The following ZC3H6 variants were observed in gnomAD, a reference collection of about 807,000 sequenced individuals.
ZC3H6 encodes zinc finger CCCH-type containing 6, also known as zinc finger CCCH domain-containing protein 6.
In ZC3H6, 40 loss-of-function variants were observed where a neutral mutation model predicts 107.7. The observed-to-expected ratio is 0.37, with a 90% CI of 0.29 to 0.48. The LOEUF is 0.48. ZC3H6 is among the 20% of genes least tolerant of loss of function. The pLI is 0.98. For synonymous variants in ZC3H6, 493 were observed against 487.9 expected (o/e 1.01, Z -0.14); for missense variants, 1,267 against 1,410.4 (o/e 0.90, Z 1.63).
At chr2:112,318,226 G>A (rs141654468) in intron 7 of ZC3H6, among the ~76,000 whole-genome samples, 57 of 152,226 alleles carry the variant, frequency 3.7e-4, no homozygotes, top group Middle Eastern at 3.4e-3. Flanking sequence ...AATTACCAGA[G>A]GAATACATGA....
chr2:112,317,326 A>G lies in ZC3H6; in HGVS notation c.970A>G (p.Met324Val), dbSNP rs1676718119. The G allele has an allele frequency of 6.9e-7, 1 of 1,439,160 alleles. No individual in the cohort carries two copies. The allele number at this position is 1,439,160 out of a possible 1,614,324, so 89.1% of individuals were successfully genotyped here. Reference sequence around the variant, plus strand: ...TACCAAAGGAGAGAACTGCATTTATATGCATAATATCCTTTATTTAAAATG... The same window carrying G: ...TACCAAAGGAGAGAACTGCATTTATGTGCATAATATCCTTTATTTAAAATG... ...YCTKGENCIY[M>V]HNEFPCKFYH... The change falls in exon 7 of 12, where the codon ATG (methionine) becomes GTG (valine). Residue 324 changes from methionine (M) to valine (V), a missense_variant. By Grantham distance (21) the Met-to-Val change is conservative. Coordinates refer to ENST00000409871, the MANE Select transcript of ZC3H6 (RefSeq NM_198581.3).
chr2:112,276,899 C>T (rs947309568), intron 1 of ZC3H6, among the ~76,000 whole-genome samples: 1 of 152,048 alleles, frequency 6.6e-6, no homozygotes, highest in Non-Finnish European at 1.5e-5. Context: ...GCATCTGATT[C>T]TTACTTAGAA....
In ZC3H6 at chr2:112,331,986, C is replaced by A; in HGVS notation, c.3068C>A (p.Pro1023Gln). 1.2e-6 allele frequency: 2 copies of A among 1,614,010 alleles called. No homozygotes were observed. Among genetic ancestry groups the A allele is most frequent in the Non-Finnish European group, 1.7e-6 (2 of 1,179,892 alleles). The change falls in exon 12 of 12, where the codon CCA (proline) becomes CAA (glutamine). Residue 1023 changes from proline (P) to glutamine (Q), a missense_variant. Physicochemically the swap from Pro to Gln is moderately conservative, Grantham distance 76 (BLOSUM62 -1). Transcript: ENST00000409871. Reference protein sequence around the residue: ...TSNSGSGALPPYAPKLSSSAG... With the variant: ...TSNSGSGALPQYAPKLSSSAG... Reference sequence around the variant, plus strand: ...AATTCTGGTTCCGGGGCTCTGCCTCCATATGCCCCTAAACTCTCTTCCTCA... The same window carrying A: ...AATTCTGGTTCCGGGGCTCTGCCTCAATATGCCCCTAAACTCTCTTCCTCA...
intron 1 of ZC3H6, among the ~76,000 whole-genome samples, chr2:112,286,967 G>C (rs1686621311): frequency 6.6e-6 from 1 of 152,148 alleles, no homozygotes; most frequent in Admixed American, 6.5e-5. Context: ...TAATCTAGTA[G>C]CAGATACTGG....
At chr2:112,305,487 A>G (rs2104709019) in intron 3 of ZC3H6, among the ~76,000 whole-genome samples, 1 of 152,308 alleles carries the variant, frequency 6.6e-6, no homozygotes, top group South Asian at 2.1e-4. Flanking sequence ...ATTTATTGTT[A>G]ATATTACGCT....
chr2:112,289,986 C>T (rs1676074271), intron 1 of ZC3H6, among the ~76,000 whole-genome samples: 1 of 152,166 alleles, frequency 6.6e-6, no homozygotes, highest in African/African-American at 2.4e-5. Flanking sequence ...ACCAGTTCAC[C>T]CTCCTTGGCC....
chr2:112,322,340 GC>G (rs1414624167), intron 8 of ZC3H6, among the ~76,000 whole-genome samples: 2 of 145,592 alleles, frequency 1.4e-5, no homozygotes, highest in South Asian at 2.3e-4. Flanking sequence ...GCCCTGCACC[GC>G]CCCCCACCCC....
intron 1 of ZC3H6, among the ~76,000 whole-genome samples, chr2:112,297,697 C>T (rs1558949209): frequency 6.6e-6 from 1 of 152,142 alleles, no homozygotes; most frequent in African/African-American, 2.4e-5. Flanking sequence ...ATTTATAGTT[C>T]TACTATGAAT....
chr2:112,289,862 T>C (rs1676068557), intron 1 of ZC3H6, among the ~76,000 whole-genome samples: 5 of 152,124 alleles, frequency 3.3e-5, no homozygotes, highest in Admixed American at 3.3e-4. Context: ...CACCCCAGCC[T>C]CCAGAGTGGC....
intron 1 of ZC3H6, among the ~76,000 whole-genome samples, chr2:112,294,395 A>G (rs1298365702): frequency 2.0e-5 from 3 of 152,246 alleles, no homozygotes; most frequent in Non-Finnish European, 2.9e-5. Context: ...TTCTGCTTCT[A>G]TTAAGTTGTT....
At position 112,276,202 on chromosome 2, in the gene ZC3H6, C is replaced by T. The variant is rs1011366323; in HGVS notation, c.32+176C>T. On this transcript the variant is annotated intron_variant, in intron 1 of 11. Transcript: ENST00000409871. The stretch of plus-strand genomic sequence containing the variant: ...GGATCGCGGCCGCGGGGGAGGTCGG[C>T]CCGGCCGCGCCCGCCTCCCCGAGCC... Among the ~76,000 whole-genome samples the T allele has an allele frequency of 2.0e-3, 289 of 147,266 alleles. 1 individual carries two copies. The highest frequency in any genetic ancestry group is 0.01 in the Middle Eastern group (3 of 290).
chr2:112,292,624 T>C (rs570105737), intron 1 of ZC3H6, among the ~76,000 whole-genome samples: 73 of 152,372 alleles, frequency 4.8e-4, no homozygotes, highest in African/African-American at 1.7e-3. Flanking sequence ...GACTATAGGT[T>C]AGTCAACCTT....
At position 112,339,282 on chromosome 2, in the gene ZC3H6, A is replaced by G. The variant is rs1022775554; in HGVS notation, c.*6794A>G. On this transcript the variant is annotated 3_prime_UTR_variant, in exon 12 of 12. Transcript: ENST00000409871. ...AAAATAGAGGTTTGAGTCCACCTGT[A>G]TTTTACAGAAATTTGCCCTCAAATG... 4.6e-5 allele frequency: 7 copies of G among 152,122 alleles called. No individual in the cohort carries two copies. The highest frequency in any genetic ancestry group is 7.2e-5 in the African/African-American group (3 of 41,442). The allele number at this position is 152,122 out of a possible 1,614,324, so 9.4% of individuals were successfully genotyped here.
At position 112,332,635 on chromosome 2, in the gene ZC3H6, C is replaced by CCTG; in HGVS notation, c.*147_*148insCTG. ...TATCAGAACCACATGAAGTTATAGCCTCTAAAGCCTGTGGTATTTTATATA... is the reference window on the plus strand; with the variant it reads ...TATCAGAACCACATGAAGTTATAGCCCTGTCTAAAGCCTGTGGTATTTTATATA... On this transcript the variant is annotated 3_prime_UTR_variant, in exon 12 of 12. Transcript: ENST00000409871. 1.5e-6 allele frequency: 1 copy of CCTG among 662,402 alleles called. No homozygotes were observed. Among genetic ancestry groups the CCTG allele is most frequent in the African/African-American group, 1.9e-5 (1 of 53,964 alleles). 41.0% of individuals were successfully genotyped at this position (662,402 alleles called of 1,614,324 possible). A position where few individuals can be genotyped will look rare whatever the true frequency, so the allele number is the denominator to read the frequency against.
intron 1 of ZC3H6, 104 bp downstream of exon 1, chr2:112,276,130 T>C: frequency 2.0e-6 from 2 of 996,358 alleles, no homozygotes; most frequent in Non-Finnish European, 2.9e-6. Flanking sequence ...TAGACGTCTC[T>C]GTGTGGCTCC....
In ZC3H6 at chr2:112,331,626, C is replaced by T. The variant is rs745733185; in HGVS notation, c.2708C>T (p.Pro903Leu). Reference sequence around the variant, plus strand: ...GTGTCTTCAATCAATTTACCTCTGCCCCCACTTATAGCTGACCAGAGGCTA... The same window carrying T: ...GTGTCTTCAATCAATTTACCTCTGCTCCCACTTATAGCTGACCAGAGGCTA... ...DPVSSINLPL[P>L]PLIADQRLNR... Residue 903 changes from proline (P) to leucine (L), a missense_variant, in exon 12 of 12, where the codon CCC (proline) becomes CTC (leucine). By Grantham distance (98) the Pro-to-Leu change is moderately conservative (BLOSUM62 -3). Transcript: ENST00000409871. 2 of 1,613,922 alleles carry T rather than the reference C, an allele frequency of 1.2e-6. No individual in the cohort carries two copies. The highest frequency in any genetic ancestry group is 1.1e-5 in the South Asian group (1 of 91,068).
intron 1 of ZC3H6, among the ~76,000 whole-genome samples, chr2:112,289,350 C>T (rs575803678): frequency 1.7e-3 from 227 of 130,002 alleles, no homozygotes; most frequent in Non-Finnish European, 2.9e-3. Flanking sequence ...GAGATGGAGT[C>T]TCTTGTTCTT....
intron 1 of ZC3H6, among the ~76,000 whole-genome samples, chr2:112,289,316 CTTTTTCTTTTTTTTT>C (rs1676046053): frequency 7.6e-6 from 1 of 132,260 alleles, no homozygotes; most frequent in Non-Finnish European, 1.6e-5. Context: ...CTTTTTTTTT[CTTTTTCTTTTTTTTT>C]TTTTTTTTGA....
At chr2:112,324,867 A>G in intron 10 of ZC3H6, 97 bp from the exon 11 acceptor site, 1 of 1,175,706 alleles carries the variant, frequency 8.5e-7, no homozygotes, top group Middle Eastern at 2.5e-4. Flanking sequence ...ATATAATTTG[A>G]TAATCCAGTG....
Sources: gnomAD v4.1 joint callset for allele counts (sites outside exome capture counted in the v4.1 genomes callset) on GRCh38, gnomAD v4.1.1 for gene constraint, MANE v1.5 for transcripts, NCBI Gene and HGNC (gene_info 2026-07-23, HGNC 2026-07-21) for gene names.